The following MACROD2 variants were observed in gnomAD, a reference collection of about 807,000 sequenced individuals.
The protein encoded by MACROD2 is ADP-ribose glycohydrolase MACROD2.
Under a neutral mutation model 70.4 loss-of-function variants are expected in MACROD2, and 36 were observed. The observed-to-expected ratio is 0.51, with a 90% CI of 0.39 to 0.68. The LOEUF (loss-of-function observed/expected upper bound fraction) is 0.68, where lower values mean the gene tolerates loss of function less well. Among genes scored for constraint, MACROD2 ranks in the 30% least tolerant of loss-of-function variants. The pLI is 0.00. For synonymous variants in MACROD2, 172 were observed against 178.8 expected (o/e 0.96, Z 0.30); for missense variants, 496 against 538.4 (o/e 0.92, Z 0.78).
intron 5 of MACROD2, chr20:15,197,116 T>G (rs1380406495): frequency 1.5e-6 from 1 of 671,650 alleles, no homozygotes; most frequent in Non-Finnish European, 1.8e-6. Context: ...CCCTGGTGAG[T>G]TTCCCTGTTC....
intron 6 of MACROD2, among the ~76,000 whole-genome samples, chr20:15,333,713 G>T (rs1221332070): frequency 6.6e-6 from 1 of 151,428 alleles, no homozygotes; most frequent in Non-Finnish European, 1.5e-5. Context: ...GTGTTAGGAG[G>T]TTCAATTAGT....
At chr20:15,802,513 G>C (rs1041533645) in intron 8 of MACROD2, among the ~76,000 whole-genome samples, 1 of 152,042 alleles carries the variant, frequency 6.6e-6, no homozygotes, top group Non-Finnish European at 1.5e-5. Context: ...ATGTTGAACT[G>C]TCCTTGCATC....
intron 4 of MACROD2, among the ~76,000 whole-genome samples, chr20:14,672,019 T>A (rs948495560): frequency 6.6e-6 from 1 of 152,230 alleles, no homozygotes; most frequent in African/African-American, 2.4e-5. Context: ...TTGTTTTGTG[T>A]CTTCCTTTGA....
intron 12 of MACROD2, among the ~76,000 whole-genome samples, chr20:15,961,110 C>T (rs1014632859): frequency 6.6e-6 from 1 of 152,188 alleles, no homozygotes. Flanking sequence ...CGATGAGCCA[C>T]TCTGCAGCCA....
intron 5 of MACROD2, chr20:14,850,196 G>C (rs1370319830): frequency 9.9e-6 from 3 of 302,902 alleles, no homozygotes; most frequent in Non-Finnish European, 2.0e-5. Context: ...AAAGCATGAA[G>C]ATAAGACTGG....
intron 3 of MACROD2, among the ~76,000 whole-genome samples, chr20:14,482,889 A>G (rs1040992284): frequency 6.6e-6 from 1 of 152,178 alleles, no homozygotes; most frequent in Admixed American, 6.5e-5. Context: ...CTTTCTAGTA[A>G]CATTACATGG....
intron 3 of MACROD2, among the ~76,000 whole-genome samples, chr20:14,091,354 G>A (rs2054146765): frequency 1.3e-5 from 2 of 152,108 alleles, no homozygotes; most frequent in Admixed American, 1.3e-4. Context: ...GAAATGGGGA[G>A]TTGTTGATCA....
intron 5 of MACROD2, among the ~76,000 whole-genome samples, chr20:15,090,953 A>C (rs6110513): frequency 2.0e-5 from 3 of 151,692 alleles, no homozygotes; most frequent in African/African-American, 7.3e-5. Context: ...TCTCTAATCA[A>C]TGGAGTCCAC....
chr20:15,337,269 G>A lies in MACROD2; in HGVS notation c.541-94136G>A, dbSNP rs373860558. On this transcript the variant is annotated intron_variant, in intron 6 of 17. Coordinates refer to ENST00000684519, the MANE Select transcript of MACROD2 (RefSeq NM_001351661.2). ...AGTTTGTGTTTTGTTTTGTTTGTTC[G>A]GTTGGTTTTGATTTTTTTTCCTGGA... Among the ~76,000 whole-genome samples, 97 of 151,698 alleles carry A rather than the reference G, an allele frequency of 6.4e-4. 3 individuals are homozygous for A. The highest frequency in any genetic ancestry group is 2.1e-3 in the African/African-American group (86 of 41,078).
intron 5 of MACROD2, among the ~76,000 whole-genome samples, chr20:14,897,827 G>A (rs1282448384): frequency 2.0e-5 from 3 of 152,140 alleles, no homozygotes; most frequent in Non-Finnish European, 4.4e-5. Flanking sequence ...TAGTGTCAGT[G>A]AGGGTGCTCT....
intron 6 of MACROD2, among the ~76,000 whole-genome samples, chr20:15,266,268 CAG>C (rs1368433412): frequency 1.3e-5 from 2 of 152,236 alleles, no homozygotes; most frequent in African/African-American, 4.8e-5. Context: ...TTTTTTAAAT[CAG>C]AGCAATGGGA....
rs998052962 is a variant in MACROD2, at chr20:15,416,753, A to T, written c.541-14652A>T. On this transcript the variant is annotated intron_variant, in intron 6 of 17. Transcript: ENST00000684519. Reference sequence around the variant, plus strand: ...CCCCATCTCTACTAAAAATACAAAAAATTAGCGGGGCGGTGGGGGGGCGCC... The same window carrying T: ...CCCCATCTCTACTAAAAATACAAAATATTAGCGGGGCGGTGGGGGGGCGCC... 6.9e-4 allele frequency among the ~76,000 whole-genome samples: 101 copies of T among 145,894 alleles called. 1 individual carries two copies. The highest frequency in any genetic ancestry group is 2.5e-3 in the African/African-American group (97 of 38,228).
At chr20:15,045,715 C>T (rs1323396509) in intron 5 of MACROD2, among the ~76,000 whole-genome samples, 1 of 126,186 alleles carries the variant, frequency 7.9e-6, no homozygotes, top group Non-Finnish European at 1.6e-5. Flanking sequence ...CTCTCCAGAC[C>T]AGGGTTTTTT....
intron 9 of MACROD2, 50 bp downstream of exon 9, chr20:15,862,876 G>T: frequency 7.2e-7 from 1 of 1,384,762 alleles, no homozygotes; most frequent in Non-Finnish European, 1.0e-6. Flanking sequence ...TGGAAGAAGT[G>T]GAGCCGTCAC....
chr20:14,717,420 C>T (rs1343515318), intron 5 of MACROD2, among the ~76,000 whole-genome samples: 2 of 151,898 alleles, frequency 1.3e-5, no homozygotes, highest in African/African-American at 2.4e-5. Context: ...CTTGAAAAGA[C>T]TGAAATATGA....
intron 5 of MACROD2, among the ~76,000 whole-genome samples, chr20:15,032,757 C>A (rs1483333479): frequency 6.6e-6 from 1 of 152,108 alleles, no homozygotes; most frequent in African/African-American, 2.4e-5. Flanking sequence ...AACAGGGACC[C>A]AAATAGATAC....
intron 5 of MACROD2, among the ~76,000 whole-genome samples, chr20:15,042,312 AT>A (rs753916028): frequency 6.6e-6 from 1 of 152,204 alleles, no homozygotes; most frequent in Non-Finnish European, 1.5e-5. Context: ...GTCTAATCTT[AT>A]TGTGCAAAAG....
chr20:14,070,246 AAT>A (rs2053819963), intron 2 of MACROD2, among the ~76,000 whole-genome samples: 1 of 152,302 alleles, frequency 6.6e-6, no homozygotes, highest in South Asian at 2.1e-4. Context: ...AGAATCTTCT[AAT>A]ATAACATCTA....
intron 4 of MACROD2, among the ~76,000 whole-genome samples, chr20:14,592,547 C>T (rs1293251267): frequency 6.6e-6 from 1 of 152,088 alleles, no homozygotes; most frequent in Non-Finnish European, 1.5e-5. Flanking sequence ...CCTCAGCCTC[C>T]CAAGTAGCTG....
Sources: allele counts gnomAD v4.1 joint callset (sites outside exome capture counted in the v4.1 genomes callset), GRCh38; gene constraint gnomAD v4.1.1; transcripts MANE v1.5; gene names NCBI Gene and HGNC (gene_info 2026-07-23, HGNC 2026-07-21).